The following SPAG16 variants were observed in gnomAD, a reference collection of about 807,000 sequenced individuals.
The protein encoded by SPAG16 is sperm-associated antigen 16 protein.
Under a neutral mutation model 80.4 loss-of-function variants are expected in SPAG16, and 86 were observed. The observed-to-expected ratio is 1.07, with a 90% CI of 0.90 to 1.28. SPAG16 has a LOEUF of 1.28. Among genes scored for constraint, SPAG16 ranks in the 50% most tolerant of loss-of-function variants. The pLI, the probability that SPAG16 is intolerant of heterozygous loss-of-function variation, is 0.00. For missense variants in SPAG16, 870 were observed against 765.3 expected, an observed-to-expected ratio of 1.14 and a Z score of -1.61; for synonymous variants, 294 against 265.9, an observed-to-expected ratio of 1.11 and a Z score of -1.03.
intron 12 of SPAG16, among the ~76,000 whole-genome samples, chr2:213,982,869 T>C (rs909223487): frequency 6.6e-6 from 1 of 152,036 alleles, no homozygotes; most frequent in African/African-American, 2.4e-5. Flanking sequence ...TGGTAAGTCA[T>C]TAAAAAGTCA....
chr2:214,115,941 C>T (rs1053689774), intron 14 of SPAG16, among the ~76,000 whole-genome samples: 1 of 151,372 alleles, frequency 6.6e-6, no homozygotes, highest in Non-Finnish European at 1.5e-5. Context: ...CACCCATCCA[C>T]AGACAAAAGT....
intron 14 of SPAG16, among the ~76,000 whole-genome samples, chr2:214,131,433 A>G (rs143503951): frequency 1.4e-4 from 22 of 152,242 alleles, no homozygotes; most frequent in African/African-American, 5.1e-4. Flanking sequence ...TGTTTGTATA[A>G]GGTAACATGT....
chr2:213,339,548 G>A (rs1363992194), intron 5 of SPAG16, among the ~76,000 whole-genome samples: 6 of 152,184 alleles, frequency 3.9e-5, no homozygotes, highest in South Asian at 2.1e-4. Context: ...GAGGTTTGCA[G>A]AAGATATATC....
At chr2:213,462,953 A>G (rs531202042) in intron 9 of SPAG16, among the ~76,000 whole-genome samples, 3 of 152,356 alleles carry the variant, frequency 2.0e-5, no homozygotes, top group Admixed American at 6.5e-5. Context: ...TGGAGGGCTC[A>G]GAAGAAGACA....
intron 9 of SPAG16, among the ~76,000 whole-genome samples, chr2:213,488,391 A>G (rs1451100543): frequency 6.6e-6 from 1 of 152,150 alleles, no homozygotes; most frequent in Non-Finnish European, 1.5e-5. Flanking sequence ...TATTTATTCT[A>G]TTTGAATTAT....
At chr2:213,997,356 T>C (rs1009874670) in intron 12 of SPAG16, among the ~76,000 whole-genome samples, 1 of 152,254 alleles carries the variant, frequency 6.6e-6, no homozygotes, top group Non-Finnish European at 1.5e-5. Flanking sequence ...ATAAAACTTT[T>C]ATTCAGCTCA....
At chr2:213,716,321 C>T (rs114300608) in intron 10 of SPAG16, among the ~76,000 whole-genome samples, 7,452 of 152,152 alleles carry the variant, frequency 0.049, 247 homozygotes, top group Middle Eastern at 0.092. Context: ...TGTTAAACAG[C>T]TGATGTACAA....
chr2:213,661,064 C>G (rs931205054), intron 10 of SPAG16, among the ~76,000 whole-genome samples: 2 of 152,174 alleles, frequency 1.3e-5, no homozygotes, highest in Non-Finnish European at 2.9e-5. Flanking sequence ...TGGGTCTGGT[C>G]ACTCCAACAT....
chr2:214,004,054 T>G (rs2046916042), intron 12 of SPAG16, among the ~76,000 whole-genome samples: 1 of 152,190 alleles, frequency 6.6e-6, no homozygotes, highest in Non-Finnish European at 1.5e-5. Context: ...AATGGGAACA[T>G]GCACATCAGG....
intron 13 of SPAG16, among the ~76,000 whole-genome samples, chr2:214,081,299 T>C (rs1330025078): frequency 6.6e-6 from 1 of 152,130 alleles, no homozygotes; most frequent in African/African-American, 2.4e-5. Context: ...TGAATTGTGT[T>C]CCCCCAAAAG....
chr2:214,012,058 G>A (rs971179335), intron 12 of SPAG16, among the ~76,000 whole-genome samples: 1 of 151,420 alleles, frequency 6.6e-6, no homozygotes, highest in African/African-American at 2.4e-5. Flanking sequence ...GGCCACTAAA[G>A]TTAAACGGTT....
In SPAG16 at chr2:213,654,920, G is replaced by T. The variant is rs576547205; in HGVS notation, c.1070+164830G>T. Among the ~76,000 whole-genome samples, 3 of 152,238 alleles carry T rather than the reference G, an allele frequency of 2.0e-5. No homozygotes were observed. In the South Asian group the frequency reaches 6.2e-4, roughly 32 times the overall value. On this transcript the variant is annotated intron_variant, in intron 10 of 15. Coordinates refer to ENST00000331683, the MANE Select transcript of SPAG16 (RefSeq NM_024532.5). ...TTAAACGGTGAATGATACTTTGAAAGGACCACTGTAGAGTAAAATATTTGA... is the reference window on the plus strand; with the variant it reads ...TTAAACGGTGAATGATACTTTGAAATGACCACTGTAGAGTAAAATATTTGA...
At chr2:214,275,928 A>G (rs1446149331) in intron 15 of SPAG16, among the ~76,000 whole-genome samples, 1 of 152,146 alleles carries the variant, frequency 6.6e-6, no homozygotes, top group African/African-American at 2.4e-5. Flanking sequence ...GTGGGAGTCT[A>G]AGTCTCTTTG....
intron 10 of SPAG16, among the ~76,000 whole-genome samples, chr2:213,584,090 A>T (rs989752591): frequency 9.9e-5 from 15 of 152,218 alleles, no homozygotes; most frequent in African/African-American, 3.6e-4. Flanking sequence ...CCAAGTTCTG[A>T]TGTCCTTATA....
In SPAG16 at chr2:214,293,637, G is replaced by A. The variant is rs894703795; in HGVS notation, c.1721-116503G>A. Among the ~76,000 whole-genome samples, 10 of 152,328 alleles carry A rather than the reference G, an allele frequency of 6.6e-5. No homozygotes were observed. The East Asian group carries it at 1.9e-3, about 29-fold the overall frequency. On this transcript the variant is annotated intron_variant, in intron 15 of 15. Transcript: ENST00000331683. ...GTGTTATGAGTCTGCTTCTGGGGAG[G>A]CTGGGGCCACTCTCATTGGGAGCAG...
chr2:214,106,299 T>G (rs1382591315), intron 13 of SPAG16, among the ~76,000 whole-genome samples: 1 of 152,136 alleles, frequency 6.6e-6, no homozygotes, highest in African/African-American at 2.4e-5. Flanking sequence ...CTTTTTGGCT[T>G]TGTAAGTAAT....
At chr2:214,365,978 G>GT (rs1699453321) in intron 15 of SPAG16, among the ~76,000 whole-genome samples, 2 of 145,762 alleles carry the variant, frequency 1.4e-5, no homozygotes, top group Non-Finnish European at 3.0e-5. Flanking sequence ...CTATTTGCCA[G>GT]GTTTTTTTTT....
At chr2:213,960,503 A>G (rs2044358824) in intron 12 of SPAG16, among the ~76,000 whole-genome samples, 2 of 152,112 alleles carry the variant, frequency 1.3e-5, no homozygotes, top group African/African-American at 4.8e-5. Context: ...AACTCTGGCA[A>G]TCAGATTTTT....
chr2:214,395,778 C>T (rs759175109), intron 15 of SPAG16, among the ~76,000 whole-genome samples: 9 of 151,864 alleles, frequency 5.9e-5, no homozygotes, highest in African/African-American at 2.2e-4. Flanking sequence ...TGAGAACATG[C>T]AGTATTTGGT....
Sources: allele counts gnomAD v4.1 joint callset (sites outside exome capture counted in the v4.1 genomes callset), GRCh38; gene constraint gnomAD v4.1.1; transcripts MANE v1.5; gene names NCBI Gene and HGNC (gene_info 2026-07-23, HGNC 2026-07-21).